The following GRID2 variants were observed in gnomAD, a reference collection of about 807,000 sequenced individuals.
The protein encoded by GRID2 is glutamate receptor ionotropic, delta-2.
Under a neutral mutation model 114.8 loss-of-function variants are expected in GRID2, and 33 were observed. The ratio of observed to expected loss-of-function variants is 0.29; its 90% CI spans 0.22 to 0.38. The LOEUF is 0.38. Ranked by LOEUF, GRID2 falls within the 10% of genes least tolerant of loss-of-function variation. GRID2 has a pLI of 1.00. For synonymous variants in GRID2, 505 were observed against 449.9 expected, an observed-to-expected ratio of 1.12 and a Z score of -1.55; for missense variants, 1,184 against 1,257.7, an observed-to-expected ratio of 0.94 and a Z score of 0.89.
intron 1 of GRID2, among the ~76,000 whole-genome samples, chr4:92,405,657 T>C (rs180962887): frequency 2.1e-4 from 32 of 151,746 alleles, no homozygotes; most frequent in African/African-American, 7.0e-4. Context: ...AAAAGTTGAT[T>C]AGGATAAAAA....
rs183855133 is a variant in GRID2, at chr4:93,196,985, A to T, written c.736-10419A>T. ...TGTAGCAAATTTCTCTCATTCTGAA[A>T]AGAATATGAAAAGTAAGTCTTACTA... On this transcript the variant is annotated intron_variant, in intron 4 of 15. Coordinates refer to ENST00000282020, the MANE Select transcript of GRID2 (RefSeq NM_001510.4). 1.6e-3 allele frequency among the ~76,000 whole-genome samples: 241 copies of T among 152,296 alleles called. 4 individuals are homozygous for T. Among genetic ancestry groups the T allele is most frequent in the Admixed American group, 0.014 (218 of 15,292 alleles).
intron 2 of GRID2, among the ~76,000 whole-genome samples, chr4:93,068,221 A>G (rs1196165914): frequency 6.6e-6 from 1 of 152,086 alleles, no homozygotes; most frequent in East Asian, 1.9e-4. Flanking sequence ...ATAGTAAAGT[A>G]TAACTTTGCT....
intron 9 of GRID2, among the ~76,000 whole-genome samples, chr4:93,399,627 A>G (rs1056301147): frequency 1.3e-5 from 2 of 152,144 alleles, no homozygotes; most frequent in African/African-American, 4.8e-5. Context: ...CAATAGAGCC[A>G]TGGGAGAGAG....
chr4:92,984,700 C>T (rs1754402357), intron 2 of GRID2, among the ~76,000 whole-genome samples: 1 of 151,986 alleles, frequency 6.6e-6, no homozygotes, highest in Non-Finnish European at 1.5e-5. Flanking sequence ...ACCAGATGTC[C>T]TTTTCTGTTC....
chr4:92,945,693 CTTTTG>C (rs988379269), intron 2 of GRID2, among the ~76,000 whole-genome samples: 2 of 152,030 alleles, frequency 1.3e-5, no homozygotes, highest in African/African-American at 4.8e-5. Flanking sequence ...TGAAAAATAA[CTTTTG>C]TTTTGTTTTG....
At chr4:92,977,158 G>A (rs541031334) in intron 2 of GRID2, among the ~76,000 whole-genome samples, 8 of 152,222 alleles carry the variant, frequency 5.3e-5, no homozygotes, top group Non-Finnish European at 8.8e-5. Flanking sequence ...AGATAATTAC[G>A]TATTAAAATA....
At chr4:93,675,463 T>A (rs2110075273) in intron 14 of GRID2, among the ~76,000 whole-genome samples, 1 of 152,318 alleles carries the variant, frequency 6.6e-6, no homozygotes, top group African/African-American at 2.4e-5. Context: ...TAGCTAAGAT[T>A]TATTAAACAC....
chr4:93,053,992 T>C (rs1337802562), intron 2 of GRID2, among the ~76,000 whole-genome samples: 4 of 151,990 alleles, frequency 2.6e-5, no homozygotes, highest in African/African-American at 9.7e-5. Flanking sequence ...CACAATTTCA[T>C]CCTGCAGTAT....
At chr4:93,310,125 A>T (rs760202189) in intron 8 of GRID2, among the ~76,000 whole-genome samples, 29 of 152,198 alleles carry the variant, frequency 1.9e-4, no homozygotes, top group Non-Finnish European at 4.1e-4. Flanking sequence ...GATATTTACT[A>T]GACATGCAAA....
At chr4:92,734,155 CA>C (rs1736471899) in intron 2 of GRID2, among the ~76,000 whole-genome samples, 1 of 151,724 alleles carries the variant, frequency 6.6e-6, no homozygotes, top group Non-Finnish European at 1.5e-5. Context: ...TCAAAGTATT[CA>C]AAATTTTAAA....
chr4:92,531,637 T>G (rs1725361433), intron 1 of GRID2, among the ~76,000 whole-genome samples: 1 of 152,054 alleles, frequency 6.6e-6, no homozygotes, highest in African/African-American at 2.4e-5. Context: ...TAAAGAAATT[T>G]TAGAGGAATG....
chr4:93,271,291 A>C (rs1386989493), intron 8 of GRID2, among the ~76,000 whole-genome samples: 6 of 152,152 alleles, frequency 3.9e-5, no homozygotes, highest in Non-Finnish European at 5.9e-5. Flanking sequence ...GAGAACATCC[A>C]TAAAAATGTG....
At chr4:93,620,495 C>G (rs981310056) in intron 13 of GRID2, among the ~76,000 whole-genome samples, 6 of 152,082 alleles carry the variant, frequency 3.9e-5, no homozygotes, top group Non-Finnish European at 7.4e-5. Context: ...AGGCTGCTAC[C>G]TAATGAATTA....
intron 11 of GRID2, among the ~76,000 whole-genome samples, chr4:93,470,601 A>G (rs1373619767): frequency 5.9e-5 from 9 of 152,144 alleles, no homozygotes; most frequent in Admixed American, 5.9e-4. Context: ...TTGTGAGTTT[A>G]TAAGTTAACA....
At chr4:92,431,516 T>C (rs147264397) in intron 1 of GRID2, among the ~76,000 whole-genome samples, 6 of 152,234 alleles carry the variant, frequency 3.9e-5, no homozygotes, top group East Asian at 1.9e-4. Context: ...TGAGGATTTT[T>C]GCATCAGTGT....
At position 92,676,244 on chromosome 4, in the gene GRID2, T is replaced by G. The variant is rs55746378; in HGVS notation, c.244+85958T>G. Among the ~76,000 whole-genome samples, 184 of 39,690 alleles carry G rather than the reference T, an allele frequency of 4.6e-3. 1 individual carries two copies. The East Asian group carries it at 0.07, about 15-fold the overall frequency. The allele number at this position is 39,690 out of a possible 152,430, so 26.0% of individuals were successfully genotyped here. A position where few individuals can be genotyped will look rare whatever the true frequency, so the allele number is the denominator to read the frequency against. ...CGCCCAGGCTGGAGTGCAGTGGCGC[T>G]ATCTCGGCTCACTGCAAGTCCGCCT... On this transcript the variant is annotated intron_variant, in intron 2 of 15. Coordinates refer to ENST00000282020, the MANE Select transcript of GRID2 (RefSeq NM_001510.4).
At chr4:92,908,960 G>A (rs926038708) in intron 2 of GRID2, among the ~76,000 whole-genome samples, 4 of 152,142 alleles carry the variant, frequency 2.6e-5, no homozygotes, top group Non-Finnish European at 5.9e-5. Flanking sequence ...AGTGATATGA[G>A]AAATAAATTT....
intron 2 of GRID2, among the ~76,000 whole-genome samples, chr4:92,912,615 G>A (rs1306617254): frequency 6.6e-6 from 1 of 151,786 alleles, no homozygotes; most frequent in Non-Finnish European, 1.5e-5. Flanking sequence ...GTTTCAAGAA[G>A]TACTTTAATA....
chr4:93,396,500 G>A (rs1410875767), intron 9 of GRID2, among the ~76,000 whole-genome samples: 1 of 151,928 alleles, frequency 6.6e-6, no homozygotes, highest in Admixed American at 6.6e-5. Flanking sequence ...CAGTGGGATG[G>A]TGTGAGATTT....
Sources: allele counts gnomAD v4.1 joint callset (sites outside exome capture counted in the v4.1 genomes callset), GRCh38; gene constraint gnomAD v4.1.1; transcripts MANE v1.5; gene names NCBI Gene and HGNC (gene_info 2026-07-23, HGNC 2026-07-21).